PHF21A: variants seen among roughly 807,000 people sequenced by gnomAD.
PHF21A encodes PHD finger protein 21A.
PHF21A carries 11 observed loss-of-function variants against 82.5 expected under a neutral mutation model. The ratio of observed to expected loss-of-function variants is 0.13; its 90% CI spans 0.08 to 0.22. PHF21A has a LOEUF of 0.22. PHF21A is among the 10% of genes least tolerant of loss of function. PHF21A has a pLI of 1.00. For synonymous variants in PHF21A, 297 were observed against 302.8 expected, an observed-to-expected ratio of 0.98 and a Z score of 0.20; for missense variants, 579 against 837.8, an observed-to-expected ratio of 0.69 and a Z score of 3.81.
At chr11:46,068,720 A>G (rs2096623184) in intron 6 of PHF21A, among the ~76,000 whole-genome samples, 1 of 152,108 alleles carries the variant, frequency 6.6e-6, no homozygotes, top group Non-Finnish European at 1.5e-5. Flanking sequence ...GCCCAGTGTC[A>G]ACATATATAA....
At chr11:46,022,338 C>T (rs1199183056) in intron 6 of PHF21A, among the ~76,000 whole-genome samples, 1 of 152,048 alleles carries the variant, frequency 6.6e-6, no homozygotes, top group African/African-American at 2.4e-5. Flanking sequence ...ACCTGTAGTC[C>T]CAGTTACTCA....
intron 6 of PHF21A, among the ~76,000 whole-genome samples, chr11:46,001,192 A>T (rs1426897262): frequency 6.6e-6 from 1 of 151,992 alleles, no homozygotes; most frequent in East Asian, 1.9e-4. Context: ...CTAAGAAGAA[A>T]AACTTAAAGC....
intron 6 of PHF21A, 106 bp downstream of exon 6, chr11:46,076,648 C>A: frequency 1.2e-6 from 1 of 860,196 alleles, no homozygotes; most frequent in Non-Finnish European, 1.8e-6. Context: ...GCTGCCCACA[C>A]TTATTTTCAC....
At chr11:46,037,080 C>T (rs980073325) in intron 6 of PHF21A, among the ~76,000 whole-genome samples, 3 of 152,052 alleles carry the variant, frequency 2.0e-5, no homozygotes, top group Non-Finnish European at 4.4e-5. Flanking sequence ...TCTTTTTTCC[C>T]TTGGTCAGTA....
chr11:46,121,438 C>A lies in PHF21A; in HGVS notation c.-740G>T, dbSNP rs949936079. ...GAGCACCACCAGCCCATTCACCACC[C>A]GGCCCCGGGCCGCAGCACCTCCGCC... On this transcript the variant is annotated 5_prime_UTR_variant, in exon 1 of 19. Coordinates refer to ENST00000676320, the MANE Select transcript of PHF21A (RefSeq NM_001352027.3). Among the ~76,000 whole-genome samples, 3 of 150,450 alleles carry A rather than the reference C, an allele frequency of 2.0e-5. No individual in the cohort carries two copies. Among genetic ancestry groups the A allele is most frequent in the Non-Finnish European group, 4.5e-5 (3 of 67,402 alleles).
intron 7 of PHF21A, among the ~76,000 whole-genome samples, chr11:45,979,422 A>G (rs758222202): frequency 3.2e-4 from 49 of 152,238 alleles, no homozygotes; most frequent in Admixed American, 1.7e-3. Flanking sequence ...TCAAGTCACA[A>G]ACTTTTAGAA....
At chr11:46,081,592 T>TCA (rs1382763389) in intron 4 of PHF21A, among the ~76,000 whole-genome samples, 1 of 152,230 alleles carries the variant, frequency 6.6e-6, no homozygotes, top group African/African-American at 2.4e-5. Flanking sequence ...TTTCAGACAA[T>TCA]CAGGGGTAGG....
intron 6 of PHF21A, among the ~76,000 whole-genome samples, chr11:45,988,514 A>T (rs1192516315): frequency 6.6e-6 from 1 of 152,360 alleles, no homozygotes; most frequent in East Asian, 1.9e-4. Flanking sequence ...TACATTCTTA[A>T]TATCACACTC....
At chr11:46,008,660 A>G (rs1400588835) in intron 6 of PHF21A, among the ~76,000 whole-genome samples, 1 of 152,190 alleles carries the variant, frequency 6.6e-6, no homozygotes, top group African/African-American at 2.4e-5. Context: ...TGGACAAGTC[A>G]CACTCTCTGA....
intron 6 of PHF21A, among the ~76,000 whole-genome samples, chr11:46,020,224 T>C (rs2095602041): frequency 6.6e-6 from 1 of 152,232 alleles, no homozygotes; most frequent in Non-Finnish European, 1.5e-5. Flanking sequence ...TGCCTTCTTT[T>C]GTTCCCTATT....
chr11:46,001,648 A>G (rs753091988), intron 6 of PHF21A, among the ~76,000 whole-genome samples: 2 of 152,224 alleles, frequency 1.3e-5, no homozygotes, highest in African/African-American at 2.4e-5. Flanking sequence ...TTAAAATTCC[A>G]TTAGTATCTT....
chr11:45,943,171 G>A (rs528818371), intron 15 of PHF21A, among the ~76,000 whole-genome samples: 118 of 131,126 alleles, frequency 9.0e-4, no homozygotes, highest in African/African-American at 3.3e-3. Flanking sequence ...CACCCAGGCC[G>A]GAGTGCAGTG....
intron 6 of PHF21A, among the ~76,000 whole-genome samples, chr11:46,010,010 T>C (rs1225127097): frequency 1.3e-5 from 2 of 152,318 alleles, no homozygotes; most frequent in Non-Finnish European, 1.5e-5. Flanking sequence ...CCTGCTTCTA[T>C]CCCAGAATCA....
At chr11:45,992,077 G>A (rs902671875) in intron 6 of PHF21A, among the ~76,000 whole-genome samples, 1 of 152,202 alleles carries the variant, frequency 6.6e-6, no homozygotes, top group African/African-American at 2.4e-5. Context: ...TGGAGAGGCA[G>A]TGCCCTAATA....
intron 15 of PHF21A, among the ~76,000 whole-genome samples, chr11:45,941,584 G>A (rs2090350641): frequency 6.6e-6 from 1 of 152,126 alleles, no homozygotes; most frequent in African/African-American, 2.4e-5. Flanking sequence ...ACTACACTTT[G>A]AGAACTGCTG....
chr11:45,987,346 A>G (rs2094528660), intron 6 of PHF21A, among the ~76,000 whole-genome samples: 1 of 151,984 alleles, frequency 6.6e-6, no homozygotes, highest in African/African-American at 2.4e-5. Context: ...AATCTGCACA[A>G]TTTAGCTGTT....
At chr11:45,944,273 T>A (rs1349561974) in intron 15 of PHF21A, among the ~76,000 whole-genome samples, 1 of 152,206 alleles carries the variant, frequency 6.6e-6, no homozygotes, top group Non-Finnish European at 1.5e-5. Context: ...AGGGTGAAGA[T>A]TCATGAAGTC....
intron 10 of PHF21A, among the ~76,000 whole-genome samples, chr11:45,964,343 T>C (rs1273915294): frequency 6.6e-6 from 1 of 152,100 alleles, no homozygotes; most frequent in Non-Finnish European, 1.5e-5. Flanking sequence ...AACTAGCTTC[T>C]TGAATGCAAG....
chr11:46,025,192 A>C (rs899010301), intron 6 of PHF21A, among the ~76,000 whole-genome samples: 7 of 152,124 alleles, frequency 4.6e-5, no homozygotes, highest in African/African-American at 1.7e-4. Context: ...ACAGATTAAA[A>C]AAAAAAAACA....
Sources: gnomAD v4.1 joint callset for allele counts (sites outside exome capture counted in the v4.1 genomes callset) on GRCh38, gnomAD v4.1.1 for gene constraint, MANE v1.5 for transcripts, NCBI Gene and HGNC (gene_info 2026-07-23, HGNC 2026-07-21) for gene names.